Variants in DHRSX observed in about 807,000 individuals in gnomAD.
DHRSX encodes the protein dehydrogenase/reductase X-linked.
DHRSX carries 31 observed loss-of-function variants against 34.0 expected under a neutral mutation model. That is an observed-to-expected ratio of 0.91 (90% CI 0.69 to 1.23). DHRSX has a LOEUF of 1.23. Ranked by LOEUF, DHRSX falls within the 50% of genes most tolerant of loss-of-function variation. DHRSX has a pLI of 0.00. For missense variants in DHRSX, 414 were observed against 428.1 expected, an observed-to-expected ratio of 0.97 and a Z score of 0.29; for synonymous variants, 201 against 183.8, an observed-to-expected ratio of 1.09 and a Z score of -0.76.
intron 3 of DHRSX, among the ~76,000 whole-genome samples, chrX:2,393,074 G>A (rs947517149): frequency 6.2e-5 from 9 of 146,172 alleles, no homozygotes; most frequent in African/African-American, 2.0e-4. Flanking sequence ...ATGTCATTAT[G>A]TATTTAATAT....
intron 3 of DHRSX, among the ~76,000 whole-genome samples, chrX:2,407,521 C>A (rs2043571712): frequency 6.6e-6 from 1 of 152,192 alleles, no homozygotes; most frequent in Middle Eastern, 3.2e-3. Context: ...AGCAAACTAA[C>A]TTATCTAGAT....
At chrX:2,489,121 C>T (rs774682124) in intron 1 of DHRSX, 4 of 1,613,670 alleles carry the variant, frequency 2.5e-6, no homozygotes, top group Non-Finnish European at 2.5e-6. Context: ...TGGATGTCCG[C>T]ATGAGCTTCT....
At chrX:2,456,465 T>G (rs1437918928) in intron 1 of DHRSX, among the ~76,000 whole-genome samples, 1 of 151,728 alleles carries the variant, frequency 6.6e-6, no homozygotes, top group African/African-American at 2.4e-5. Flanking sequence ...AATACAAAGA[T>G]TAGCCATGTG....
chrX:2,371,904 C>G (rs2043077327), intron 3 of DHRSX, among the ~76,000 whole-genome samples: 1 of 152,218 alleles, frequency 6.6e-6, no homozygotes, highest in Admixed American at 6.5e-5. Flanking sequence ...CAGAGTAGCA[C>G]TCTCTGCAGG....
At chrX:2,436,641 G>A (rs1337372947) in intron 1 of DHRSX, among the ~76,000 whole-genome samples, 2 of 151,294 alleles carry the variant, frequency 1.3e-5, no homozygotes, top group African/African-American at 2.4e-5. Flanking sequence ...CTACAGGCAC[G>A]TGCCAGCACA....
chrX:2,431,721 T>TA (rs1259251251), intron 1 of DHRSX, among the ~76,000 whole-genome samples: 7 of 152,042 alleles, frequency 4.6e-5, no homozygotes, highest in African/African-American at 1.4e-4. Flanking sequence ...CAGATGGACA[T>TA]AAAGATGGGA....
chrX:2,261,152 G>A (rs1402983422), intron 5 of DHRSX, among the ~76,000 whole-genome samples: 7 of 152,104 alleles, frequency 4.6e-5, no homozygotes, highest in Non-Finnish European at 7.3e-5. Context: ...GGAGGTTGCC[G>A]TGAGCCAAGA....
chrX:2,243,788 GTTTTTTTTTTTTTTTTT>G (rs778957532), intron 5 of DHRSX, among the ~76,000 whole-genome samples: 24 of 25,184 alleles, frequency 9.5e-4, no homozygotes, highest in South Asian at 2.5e-3. Flanking sequence ...TATGCTCCCT[GTTTTTTTTTTTTTTTTT>G]TTTTTTTTTT....
At position 2,374,762 on chromosome X, in the gene DHRSX, C is replaced by T. The variant is rs886521284; in HGVS notation, c.286+33983G>A. ...CTCAAAAAAACCAAAAAACAAAAAA[C>T]GAAAAACAAAGTCTTCTCGAAACAG... On this transcript the variant is annotated intron_variant, in intron 3 of 6. Transcript: ENST00000334651. Among the ~76,000 whole-genome samples, 17 of 132,332 alleles carry T rather than the reference C, an allele frequency of 1.3e-4. 3 individuals carry two copies. The highest frequency in any genetic ancestry group is 2.0e-4 in the African/African-American group (8 of 39,548). 86.8% of individuals were successfully genotyped at this position (132,332 alleles called of 152,430 possible). A position where few individuals can be genotyped will look rare whatever the true frequency, so the allele number is the denominator to read the frequency against.
intron 5 of DHRSX, among the ~76,000 whole-genome samples, chrX:2,243,814 T>TTTTTTTTTG (rs2016213647): frequency 8.5e-6 from 1 of 118,202 alleles, no homozygotes; most frequent in Non-Finnish European, 1.6e-5. Flanking sequence ...TTTTTTTTTT[T>TTTTTTTTTG]TTTTTTTTGA....
chrX:2,224,333 G>A (rs186320651), intron 6 of DHRSX, among the ~76,000 whole-genome samples: 287 of 152,270 alleles, frequency 1.9e-3, no homozygotes, highest in African/African-American at 6.7e-3. Context: ...TCCTCTTTGT[G>A]GTTCCCCTGT....
intron 3 of DHRSX, among the ~76,000 whole-genome samples, chrX:2,305,840 G>C (rs1375337266): frequency 2.0e-5 from 3 of 151,778 alleles, no homozygotes; most frequent in South Asian, 2.1e-4. Context: ...GGGCCTGTTG[G>C]GGGGTGGGGG....
intron 3 of DHRSX, among the ~76,000 whole-genome samples, chrX:2,399,753 CAG>C (rs1197150750): frequency 1.2e-4 from 16 of 132,910 alleles, no homozygotes; most frequent in Admixed American, 2.3e-4. Context: ...CAAAAAAACA[CAG>C]GGGCTGAGCT....
chrX:2,403,624 G>A (rs2043514969), intron 3 of DHRSX, among the ~76,000 whole-genome samples: 1 of 152,154 alleles, frequency 6.6e-6, no homozygotes, highest in Admixed American at 6.6e-5. Context: ...GGGAGGCTGA[G>A]GTGGGTGGAT....
intron 4 of DHRSX, among the ~76,000 whole-genome samples, chrX:2,276,193 T>G (rs1376252696): frequency 6.6e-6 from 1 of 152,238 alleles, no homozygotes; most frequent in Non-Finnish European, 1.5e-5. Context: ...TTGGGCTACA[T>G]GGATACATTC....
intron 5 of DHRSX, among the ~76,000 whole-genome samples, chrX:2,266,255 A>G (rs1364673551): frequency 1.4e-5 from 2 of 138,938 alleles, no homozygotes; most frequent in Non-Finnish European, 3.0e-5. Flanking sequence ...AGACGCAGGG[A>G]GCACTGTCCT....
intron 4 of DHRSX, among the ~76,000 whole-genome samples, chrX:2,276,061 C>T (rs2041633061): frequency 6.6e-6 from 1 of 152,138 alleles, no homozygotes; most frequent in Non-Finnish European, 1.5e-5. Flanking sequence ...CCAGGATGGT[C>T]TCGAACTCCT....
intron 1 of DHRSX, among the ~76,000 whole-genome samples, chrX:2,471,625 G>C (rs2044594480): frequency 1.3e-5 from 2 of 151,530 alleles, no homozygotes; most frequent in African/African-American, 4.9e-5. Context: ...TCTGCAATAG[G>C]GCATCAGGCA....
At chrX:2,420,858 C>A (rs755323467) in intron 2 of DHRSX, among the ~76,000 whole-genome samples, 1 of 152,096 alleles carries the variant, frequency 6.6e-6, no homozygotes, top group Non-Finnish European at 1.5e-5. Context: ...AAAAAGTGCT[C>A]ACCTGCTTCC....
Sources: gnomAD v4.1 joint callset for allele counts (sites outside exome capture counted in the v4.1 genomes callset) on GRCh38, gnomAD v4.1.1 for gene constraint, MANE v1.5 for transcripts, NCBI Gene and HGNC (gene_info 2026-07-23, HGNC 2026-07-21) for gene names.